Variants in DMD observed in about 807,000 individuals in gnomAD.
DMD encodes the protein dystrophin, also known as mutant dystrophin.
A neutral mutation model predicts 330.1 loss-of-function variants in DMD; 63 were observed. That is an observed-to-expected ratio of 0.19 (90% CI 0.16 to 0.24). DMD has a LOEUF of 0.24. DMD is among the 10% of genes least tolerant of loss of function. The pLI is 1.00. For synonymous variants in DMD, 1,223 were observed against 959.8 expected, an observed-to-expected ratio of 1.27 and a Z score of -5.07; for missense variants, 3,344 against 2,684.1, an observed-to-expected ratio of 1.25 and a Z score of -5.43.
At chrX:32,769,458 C>T (rs905351894) in intron 7 of DMD, among the ~76,000 whole-genome samples, 3 of 111,905 alleles carry the variant, frequency 2.7e-5, no homozygotes, top group African/African-American at 9.7e-5. Flanking sequence ...TGGGTGGGGA[C>T]ACAGCCAAAC....
intron 45 of DMD, among the ~76,000 whole-genome samples, chrX:31,944,680 T>G (rs2095061685): frequency 9.5e-6 from 1 of 105,537 alleles, no homozygotes; most frequent in Non-Finnish European, 2.0e-5. Context: ...TTTTTTTTTT[T>G]TGTATTTTTA....
chrX:32,921,852 C>T (rs746221943), intron 2 of DMD, among the ~76,000 whole-genome samples: 2 of 111,526 alleles, frequency 1.8e-5, no homozygotes, highest in East Asian at 5.6e-4. Context: ...CCCATCCATC[C>T]ATTCATCCAT....
At chrX:32,085,762 ATC>A (rs2096434516) in intron 44 of DMD, among the ~76,000 whole-genome samples, 1 of 108,739 alleles carries the variant, frequency 9.2e-6, no homozygotes, top group Non-Finnish European at 1.9e-5. Context: ...AAAAGTATAA[ATC>A]TCTATATTTA....
intron 43 of DMD, among the ~76,000 whole-genome samples, chrX:32,252,599 TAA>T (rs67980162): frequency 1.1e-4 from 8 of 74,116 alleles, no homozygotes; most frequent in Non-Finnish European, 1.4e-4. Flanking sequence ...TATATATATA[TAA>T]ACATATATAA....
intron 45 of DMD, among the ~76,000 whole-genome samples, chrX:31,950,572 T>C (rs2095147741): frequency 9.0e-6 from 1 of 111,169 alleles, no homozygotes; most frequent in Admixed American, 9.6e-5. Context: ...CTGCCAGCTA[T>C]TGAGAGTAGG....
At chrX:31,288,259 C>T (rs1042161061) in intron 62 of DMD, among the ~76,000 whole-genome samples, 5 of 111,638 alleles carry the variant, frequency 4.5e-5, no homozygotes, top group Admixed American at 9.5e-5. Flanking sequence ...CAAAAGAACA[C>T]GCCAGTATTT....
chrX:32,560,652 A>G (rs2050891229), intron 16 of DMD, among the ~76,000 whole-genome samples: 1 of 111,099 alleles, frequency 9.0e-6, no homozygotes, highest in Non-Finnish European at 1.9e-5. Context: ...ATGTGTTCCC[A>G]TTGTTCAGCT....
intron 60 of DMD, among the ~76,000 whole-genome samples, chrX:31,359,857 C>G (rs2058846220): frequency 8.9e-6 from 1 of 111,843 alleles, no homozygotes; most frequent in South Asian, 3.7e-4. Context: ...GTTGGAGAGA[C>G]CACTTTCTGG....
intron 44 of DMD, among the ~76,000 whole-genome samples, chrX:32,185,801 T>C (rs1478895424): frequency 1.8e-5 from 2 of 110,379 alleles, no homozygotes; most frequent in Non-Finnish European, 3.8e-5. Context: ...AATTCAATAA[T>C]GTATAGCACA....
At chrX:32,731,251 G>C (rs373209020) in intron 7 of DMD, among the ~76,000 whole-genome samples, 4 of 112,337 alleles carry the variant, frequency 3.6e-5, no homozygotes, top group Admixed American at 9.4e-5. Context: ...CATCTGGCTC[G>C]GAGGGTCCTA....
intron 7 of DMD, among the ~76,000 whole-genome samples, chrX:32,753,895 A>G (rs16990639): frequency 0.19 from 20,785 of 110,712 alleles, 2,062 homozygotes; most frequent in African/African-American, 0.37. Context: ...TTGAAAATAA[A>G]GCAAGCAAGC....
rs746321764 is a variant in DMD, at chrX:31,592,374, T to C, written c.8217+35299A>G. On this transcript the variant is annotated intron_variant, in intron 55 of 78. Transcript: ENST00000357033. Reference sequence around the variant, plus strand: ...TAAATGTATACATATATTCTACATATATATTCTATATATATATATATATAT... The same window carrying C: ...TAAATGTATACATATATTCTACATACATATTCTATATATATATATATATAT... Among the ~76,000 whole-genome samples the C allele has an allele frequency of 9.7e-4, 82 of 84,184 alleles. 1 individual carries two copies. The highest frequency in any genetic ancestry group is 4.0e-3 in the African/African-American group (80 of 20,028). 73.1% of individuals were successfully genotyped at this position (84,184 alleles called of 115,157 possible).
chrX:32,983,849 G>C (rs2092775380), intron 2 of DMD, among the ~76,000 whole-genome samples: 1 of 110,343 alleles, frequency 9.1e-6, no homozygotes, highest in South Asian at 3.9e-4. Context: ...CTATATAATT[G>C]AGAATCATCT....
intron 61 of DMD, among the ~76,000 whole-genome samples, chrX:31,328,796 C>T (rs978545856): frequency 2.7e-5 from 3 of 109,390 alleles, no homozygotes; most frequent in African/African-American, 1.0e-4. Flanking sequence ...TTTGTAATCA[C>T]ATAGCTATGA....
chrX:32,663,451 A>G (rs1213166393), intron 9 of DMD, among the ~76,000 whole-genome samples: 1 of 112,013 alleles, frequency 8.9e-6, no homozygotes, highest in Admixed American at 9.5e-5. Context: ...TTAATTACAG[A>G]CTTGCCAGGT....
At chrX:31,932,747 AATACATACATACATACGTACGTACATAC>A (rs1569516324) in intron 45 of DMD, among the ~76,000 whole-genome samples, 1 of 111,149 alleles carries the variant, frequency 9.0e-6, no homozygotes, top group African/African-American at 3.2e-5. Context: ...CTCCATCTCA[AATACATACATACATACGTACGTACATAC>A]ATACATACAT....
At chrX:33,312,897 A>G (rs1174789458) in intron 1 of DMD, among the ~76,000 whole-genome samples, 1 of 111,642 alleles carries the variant, frequency 9.0e-6, no homozygotes, top group Middle Eastern at 4.2e-3. Context: ...TAGGAACACT[A>G]GACAGAAATT....
chrX:31,918,111 C>G (rs1039091403), intron 47 of DMD, among the ~76,000 whole-genome samples: 1 of 112,740 alleles, frequency 8.9e-6, no homozygotes, highest in African/African-American at 3.2e-5. Flanking sequence ...CGTGATGGCA[C>G]GTGGATCTTT....
At chrX:32,730,402 T>C (rs2067430446) in intron 7 of DMD, among the ~76,000 whole-genome samples, 1 of 111,925 alleles carries the variant, frequency 8.9e-6, no homozygotes, top group African/African-American at 3.3e-5. Flanking sequence ...TGTGATCCAA[T>C]CCATGAGTTT....
Sources: allele counts gnomAD v4.1 joint callset (sites outside exome capture counted in the v4.1 genomes callset), GRCh38; gene constraint gnomAD v4.1.1; transcripts MANE v1.5; gene names NCBI Gene and HGNC (gene_info 2026-07-23, HGNC 2026-07-21).